Variants in CPE observed in about 807,000 individuals in gnomAD.
CPE encodes carboxypeptidase E.
In CPE, 17 loss-of-function variants were observed where a neutral mutation model predicts 53.5. That is an observed-to-expected ratio of 0.32 (90% CI 0.22 to 0.48). CPE has a LOEUF of 0.48. Among genes scored for constraint, CPE ranks in the 20% least tolerant of loss-of-function variants. The pLI, the probability that CPE is intolerant of heterozygous loss-of-function variation, is 0.99. For synonymous variants in CPE, 226 were observed against 228.8 expected, an observed-to-expected ratio of 0.99 and a Z score of 0.11; for missense variants, 524 against 614.7, an observed-to-expected ratio of 0.85 and a Z score of 1.56.
intron 1 of CPE, among the ~76,000 whole-genome samples, chr4:165,402,997 C>G (rs931932823): frequency 2.0e-5 from 3 of 152,132 alleles, no homozygotes; most frequent in Non-Finnish European, 4.4e-5. Flanking sequence ...CCAGACTCTT[C>G]TTCTGTTTTT....
At chr4:165,485,794 C>T (rs546180186) in intron 5 of CPE, among the ~76,000 whole-genome samples, 10 of 152,234 alleles carry the variant, frequency 6.6e-5, no homozygotes, top group East Asian at 1.9e-4. Context: ...AAGGAAGCTC[C>T]GTTAGTCTTC....
intron 1 of CPE, chr4:165,386,147 G>T: frequency 2.1e-6 from 1 of 466,444 alleles, no homozygotes; most frequent in Non-Finnish European, 4.2e-6. Context: ...ACAATAATGT[G>T]ATGATTAAAT....
chr4:165,443,356 T>C (rs1281262539), intron 1 of CPE, among the ~76,000 whole-genome samples: 11 of 152,252 alleles, frequency 7.2e-5, no homozygotes, highest in Admixed American at 1.3e-4. Context: ...TCTAAGGTCC[T>C]TTAATAGATT....
chr4:165,471,236 T>C (rs904619717), intron 3 of CPE, among the ~76,000 whole-genome samples: 2 of 152,162 alleles, frequency 1.3e-5, no homozygotes, highest in East Asian at 1.9e-4. Flanking sequence ...AGAATATTGA[T>C]CCAGATTTTT....
At chr4:165,388,902 G>C (rs1239657261) in intron 1 of CPE, among the ~76,000 whole-genome samples, 2 of 152,110 alleles carry the variant, frequency 1.3e-5, no homozygotes, top group Non-Finnish European at 2.9e-5. Flanking sequence ...GAGGAAACCA[G>C]TCTTATTCAT....
chr4:165,451,319 C>CAA (rs1450922547), intron 1 of CPE, among the ~76,000 whole-genome samples: 1 of 152,082 alleles, frequency 6.6e-6, no homozygotes, highest in African/African-American at 2.4e-5. Context: ...AAGTCTCCAA[C>CAA]AGGGAAGATC....
chr4:165,487,216 T>C (rs1732519191), intron 5 of CPE, among the ~76,000 whole-genome samples: 2 of 152,202 alleles, frequency 1.3e-5, no homozygotes, highest in Non-Finnish European at 2.9e-5. Context: ...CAGCAAATGC[T>C]TTTGCTTAGG....
At chr4:165,429,523 T>C (rs68072898) in intron 1 of CPE, among the ~76,000 whole-genome samples, 44,763 of 151,606 alleles carry the variant, frequency 0.3, 6,675 homozygotes, top group Middle Eastern at 0.39. Context: ...GGCAACATGG[T>C]GAAACCCTGT....
In CPE at chr4:165,495,653, A is replaced by G. The variant is rs748718976; in HGVS notation, c.1308A>G (p.Ala436=). The G allele has an allele frequency of 7.4e-6, 12 of 1,612,222 alleles. No homozygotes were observed. Among genetic ancestry groups the G allele is most frequent in the Non-Finnish European group, 9.3e-6 (11 of 1,178,534 alleles). ...ATCTGGCAATAACAAAGAAAGTGGC[A>G]GTTCCTTACAGCCCTGCTGCTGGGG... The part of the protein sequence containing the change: ...PGYLAITKKV[A]VPYSPAAGVD... Residue 436 remains alanine (A), a synonymous_variant, in exon 8 of 9, where the codon GCA becomes GCG. Coordinates refer to ENST00000402744, the MANE Select transcript of CPE (RefSeq NM_001873.4).
At chr4:165,409,450 C>T (rs10018810) in intron 1 of CPE, among the ~76,000 whole-genome samples, 116 of 152,304 alleles carry the variant, frequency 7.6e-4, no homozygotes, top group African/African-American at 2.7e-3. Flanking sequence ...GTGATCCGCC[C>T]GCCTCAGACT....
chr4:165,490,753 C>T (rs184302514), intron 6 of CPE, among the ~76,000 whole-genome samples: 2 of 152,006 alleles, frequency 1.3e-5, no homozygotes, highest in African/African-American at 2.4e-5. Flanking sequence ...AGGGCAGGAC[C>T]GAAGTATCTT....
chr4:165,479,957 A>T (rs962154932), intron 3 of CPE, among the ~76,000 whole-genome samples: 1 of 149,816 alleles, frequency 6.7e-6, no homozygotes, highest in African/African-American at 2.5e-5. Context: ...GCTCCACTGC[A>T]CTCTAGCCTG....
intron 1 of CPE, among the ~76,000 whole-genome samples, chr4:165,425,837 A>G (rs1049321537): frequency 6.6e-6 from 1 of 152,160 alleles, no homozygotes; most frequent in Non-Finnish European, 1.5e-5. Flanking sequence ...TGCTCCTGAC[A>G]TCTGGTGGAG....
chr4:165,404,054 A>C, intron 1 of CPE: 1 of 933,528 alleles, frequency 1.1e-6, no homozygotes, highest in Admixed American at 1.7e-5. Flanking sequence ...TGAGTGAGGC[A>C]TGAGGCCTGC....
chr4:165,394,375 T>A (rs1180788093), intron 1 of CPE, among the ~76,000 whole-genome samples: 1 of 152,170 alleles, frequency 6.6e-6, no homozygotes, highest in Non-Finnish European at 1.5e-5. Flanking sequence ...TTTTTTGAAT[T>A]TAAGCCCGGC....
At chr4:165,384,285 T>C (rs558023261) in intron 1 of CPE, among the ~76,000 whole-genome samples, 4 of 152,322 alleles carry the variant, frequency 2.6e-5, no homozygotes, top group South Asian at 4.1e-4. Context: ...AATAGGCTAA[T>C]GTATGTTTCA....
At chr4:165,456,556 TTCTCTCTCTCTCTC>T (rs33985842) in intron 1 of CPE, among the ~76,000 whole-genome samples, 1 of 149,598 alleles carries the variant, frequency 6.7e-6, no homozygotes. Flanking sequence ...CTCTCTCTCT[TTCTCTCTCTCTCTC>T]TCTCTTTCTT....
intron 1 of CPE, among the ~76,000 whole-genome samples, chr4:165,409,244 C>T (rs1730999277): frequency 6.6e-6 from 1 of 152,116 alleles, no homozygotes; most frequent in Non-Finnish European, 1.5e-5. Flanking sequence ...CCCTGTGTTG[C>T]CCAGGCTGGA....
chr4:165,386,722 A>G (rs1411466279), intron 1 of CPE, among the ~76,000 whole-genome samples: 1 of 152,226 alleles, frequency 6.6e-6, no homozygotes, highest in Non-Finnish European at 1.5e-5. Context: ...TAGAAAGTTA[A>G]GCTGCTTTTT....
Sources: gnomAD v4.1 joint callset for allele counts (sites outside exome capture counted in the v4.1 genomes callset) on GRCh38, gnomAD v4.1.1 for gene constraint, MANE v1.5 for transcripts, NCBI Gene and HGNC (gene_info 2026-07-23, HGNC 2026-07-21) for gene names.